The following BANP variants were observed in gnomAD, a reference collection of about 807,000 sequenced individuals.
BANP encodes BTG3 associated nuclear protein.
Under a neutral mutation model 68.1 loss-of-function variants are expected in BANP, and 11 were observed. The ratio of observed to expected loss-of-function variants is 0.16; its 90% CI spans 0.10 to 0.27. The LOEUF (loss-of-function observed/expected upper bound fraction) is 0.27, where lower values mean the gene tolerates loss of function less well. BANP is among the 10% of genes least tolerant of loss of function. BANP has a pLI of 1.00. For missense variants in BANP, 504 were observed against 722.7 expected, an observed-to-expected ratio of 0.70 and a Z score of 3.47; for synonymous variants, 329 against 303.2, an observed-to-expected ratio of 1.09 and a Z score of -0.88.
chr16:88,050,132 A>T (rs1369770379), intron 11 of BANP, among the ~76,000 whole-genome samples: 2 of 152,148 alleles, frequency 1.3e-5, no homozygotes, highest in Non-Finnish European at 2.9e-5. Flanking sequence ...ATCCAGCTAA[A>T]CATAGCCAAG....
intron 2 of BANP, chr16:87,978,789 G>A (rs2062699278): frequency 2.6e-6 from 1 of 380,232 alleles, no homozygotes; most frequent in Non-Finnish European, 5.4e-6. Context: ...CACGCTAAGT[G>A]ATAGAACCCC....
rs549270906 is a variant in BANP, at chr16:88,041,892, A to G, written c.1311+3881A>G. ...TTCAGGCCCTGTTGGGCACACTGGG[A>G]GTGCGCAAGAACCACAGAGCCTGAG... On this transcript the variant is annotated intron_variant, in intron 11 of 13. Transcript: ENST00000682872. 4.5e-4 allele frequency among the ~76,000 whole-genome samples: 69 copies of G among 152,348 alleles called. No homozygotes were observed. In the South Asian group the frequency reaches 9.3e-3, roughly 21 times the overall value.
chr16:88,032,540 T>C (rs1351826937), intron 8 of BANP, among the ~76,000 whole-genome samples: 2 of 152,222 alleles, frequency 1.3e-5, no homozygotes, highest in East Asian at 3.8e-4. Flanking sequence ...AATTAGTCAT[T>C]ATAATTCTCT....
chr16:88,035,976 G>C (rs1335329093), intron 10 of BANP, among the ~76,000 whole-genome samples: 1 of 152,254 alleles, frequency 6.6e-6, no homozygotes. Flanking sequence ...CTCAGCTGCT[G>C]TTGGGGTCTG....
chr16:88,059,579 C>A (rs937883383), intron 11 of BANP, among the ~76,000 whole-genome samples: 4 of 152,142 alleles, frequency 2.6e-5, no homozygotes, highest in African/African-American at 9.7e-5. Flanking sequence ...CCATCTTCGG[C>A]AGAATGATGG....
At position 87,996,310 on chromosome 16, in the gene BANP, C is replaced by T. The variant is rs931833418; in HGVS notation, c.363-7985C>T. Among the ~76,000 whole-genome samples, 13 of 152,192 alleles carry T rather than the reference C, an allele frequency of 8.5e-5. 1 individual carries two copies. The highest frequency in any genetic ancestry group is 5.9e-5 in the Non-Finnish European group (4 of 68,038). ...GTGCCACTTAGTTGGAGATGGCTTC[C>T]GATGCTAACCTCTGCTGCGAGGGTT... On this transcript the variant is annotated intron_variant, in intron 4 of 13. Transcript: ENST00000682872.
intron 4 of BANP, among the ~76,000 whole-genome samples, chr16:87,992,696 G>GGGC (rs893075236): frequency 4.0e-5 from 6 of 151,726 alleles, no homozygotes; most frequent in African/African-American, 1.5e-4. Context: ...CAGGAGGTTG[G>GGGC]GGCAGGAGAA....
chr16:87,987,359 G>A (rs1341766314), intron 4 of BANP, among the ~76,000 whole-genome samples: 8 of 152,148 alleles, frequency 5.3e-5, no homozygotes, highest in Non-Finnish European at 1.0e-4. Flanking sequence ...GATTACAGGC[G>A]TGAGCCACCA....
At chr16:88,061,193 C>T (rs1194425565) in intron 11 of BANP, among the ~76,000 whole-genome samples, 3 of 152,158 alleles carry the variant, frequency 2.0e-5, no homozygotes, top group African/African-American at 7.2e-5. Context: ...CTGTGCCTAC[C>T]GCTTGCCACA....
intron 4 of BANP, among the ~76,000 whole-genome samples, chr16:87,987,276 G>A (rs550668220): frequency 1.3e-5 from 2 of 152,196 alleles, no homozygotes; most frequent in African/African-American, 2.4e-5. Flanking sequence ...ACAGGGTTTC[G>A]CCACATTAGC....
intron 11 of BANP, among the ~76,000 whole-genome samples, chr16:88,048,828 G>A (rs970488669): frequency 3.3e-5 from 5 of 152,090 alleles, no homozygotes; most frequent in African/African-American, 9.7e-5. Flanking sequence ...AAAGGACATC[G>A]ATTCTAACAG....
intron 1 of BANP, among the ~76,000 whole-genome samples, chr16:87,955,043 G>T (rs75239502): frequency 1.2e-3 from 187 of 152,344 alleles, no homozygotes; most frequent in African/African-American, 4.0e-3. Context: ...GGCAAGGCCC[G>T]GCAGACCCGT....
chr16:88,033,994 C>G (rs543791961), intron 9 of BANP, among the ~76,000 whole-genome samples: 2 of 152,262 alleles, frequency 1.3e-5, no homozygotes, highest in South Asian at 4.1e-4. Flanking sequence ...GGCACCAGCC[C>G]CCTTGGGCCC....
chr16:87,969,979 T>C (rs11642730), intron 1 of BANP: 52,181 of 146,950 alleles, frequency 0.36, 10,364 homozygotes, highest in Non-Finnish European at 0.47. Context: ...ACGGTCTCAG[T>C]TCACTGCAAC....
intron 1 of BANP, among the ~76,000 whole-genome samples, chr16:87,961,485 T>G (rs530848677): frequency 6.6e-6 from 1 of 151,896 alleles, no homozygotes; most frequent in Admixed American, 6.6e-5. Context: ...TTTTGTCATA[T>G]GCATCGACCA....
intron 11 of BANP, among the ~76,000 whole-genome samples, chr16:88,041,593 C>T (rs1432203175): frequency 2.0e-5 from 3 of 152,204 alleles, no homozygotes; most frequent in Non-Finnish European, 4.4e-5. Context: ...CCCTGTCTCA[C>T]GCTCTTTCTG....
intron 11 of BANP, among the ~76,000 whole-genome samples, chr16:88,062,290 C>T (rs1445039905): frequency 6.6e-6 from 1 of 152,170 alleles, no homozygotes; most frequent in Non-Finnish European, 1.5e-5. Context: ...AGTCCTTGGG[C>T]TTCTTGCGTT....
At chr16:88,054,612 G>A (rs150038437) in intron 11 of BANP, among the ~76,000 whole-genome samples, 8 of 150,976 alleles carry the variant, frequency 5.3e-5, no homozygotes, top group Admixed American at 1.3e-4. Context: ...CACCAGCACC[G>A]TCAAGGGGTC....
intron 11 of BANP, among the ~76,000 whole-genome samples, chr16:88,042,050 G>C (rs1221430269): frequency 6.6e-6 from 1 of 152,250 alleles, no homozygotes; most frequent in African/African-American, 2.4e-5. Flanking sequence ...AGAGCCACCT[G>C]CACCAAGGCC....
Sources: gnomAD v4.1 joint callset for allele counts (sites outside exome capture counted in the v4.1 genomes callset) on GRCh38, gnomAD v4.1.1 for gene constraint, MANE v1.5 for transcripts, NCBI Gene and HGNC (gene_info 2026-07-23, HGNC 2026-07-21) for gene names.